The following EML1 variants were observed in gnomAD, a reference collection of about 807,000 sequenced individuals.
EML1 encodes the protein echinoderm microtubule-associated protein-like 1.
Under a neutral mutation model 110.4 loss-of-function variants are expected in EML1, and 27 were observed. The ratio of observed to expected loss-of-function variants is 0.24; its 90% CI spans 0.18 to 0.34. The LOEUF (loss-of-function observed/expected upper bound fraction) is 0.34, where lower values mean the gene tolerates loss of function less well. Ranked by LOEUF, EML1 falls within the 10% of genes least tolerant of loss-of-function variation. The pLI is 1.00. For synonymous variants in EML1, 344 were observed against 385.8 expected (o/e 0.89, Z 1.27); for missense variants, 741 against 1,030.9 (o/e 0.72, Z 3.85).
intron 1 of EML1, among the ~76,000 whole-genome samples, chr14:99,796,956 T>G (rs2057788648): frequency 6.8e-6 from 1 of 147,940 alleles, no homozygotes; most frequent in African/African-American, 2.5e-5. Flanking sequence ...ATAGCTTTAT[T>G]GAAATATTTA....
chr14:99,758,609 T>C (rs1047662668), intron 1 of EML1, among the ~76,000 whole-genome samples: 2 of 152,134 alleles, frequency 1.3e-5, no homozygotes, highest in African/African-American at 4.8e-5. Flanking sequence ...CCAGAGTCAG[T>C]CCTCGCCCTA....
chr14:99,843,424 A>AACCAAC (rs137872085), intron 1 of EML1, among the ~76,000 whole-genome samples: 4 of 151,620 alleles, frequency 2.6e-5, no homozygotes, highest in African/African-American at 4.9e-5. Context: ...TTTTTATTGG[A>AACCAAC]AACAACAATA....
intron 7 of EML1, 108 bp downstream of exon 7, chr14:99,897,402 AAAAT>A: frequency 2.1e-4 from 222 of 1,061,646 alleles, no homozygotes; most frequent in Middle Eastern, 6.2e-4. Context: ...CCCTGTCTCT[AAAAT>A]AAATAAATAA....
rs191884920 is a variant in EML1, at chr14:99,936,218, G to A, written c.2008-29G>A. On this transcript the variant is annotated intron_variant, in intron 18 of 21. Transcript: ENST00000262233. The surrounding 1 kb of genome is among the most constrained non-coding windows in gnomAD (Gnocchi z 5.5). ...GTTGGCAGGGACTTCTAAGGCCAAT[G>A]AAATGAAGACAGTGTTTTACCCTCC... The A allele has an allele frequency of 5.3e-4, 853 of 1,613,390 alleles. No individual in the cohort carries two copies. The highest frequency in any genetic ancestry group is 6.4e-4 in the Non-Finnish European group (758 of 1,179,342).
chr14:99,874,801 G>T (rs571084835), intron 3 of EML1: 1 of 664,104 alleles, frequency 1.5e-6, no homozygotes, highest in Non-Finnish European at 2.4e-6. Context: ...CTATATTTGC[G>T]AACCAAAATG....
chr14:99,756,702 C>T (rs2057259224), intron 1 of EML1, among the ~76,000 whole-genome samples: 1 of 152,138 alleles, frequency 6.6e-6, no homozygotes, highest in African/African-American at 2.4e-5. Flanking sequence ...TAAAAAATTA[C>T]ACCTTCCCGA....
intron 12 of EML1, 93 bp downstream of exon 12, chr14:99,910,434 T>C: frequency 1.0e-6 from 1 of 967,844 alleles, no homozygotes; most frequent in African/African-American, 1.7e-5. Context: ...TAATACAACG[T>C]ACAGGAGTAG....
upstream of EML1, chr14:99,793,305 G>T: frequency 2.0e-6 from 2 of 979,288 alleles, no homozygotes; most frequent in Non-Finnish European, 2.4e-6. Flanking sequence ...GGGCTCGCGC[G>T]GCTGCGGCGG....
chr14:99,747,007 A>G (rs75060272), intron 1 of EML1, among the ~76,000 whole-genome samples: 1,891 of 152,186 alleles, frequency 0.012, 16 homozygotes, highest in Middle Eastern at 0.041. Context: ...TCACAAGGCC[A>G]GATACCCAGG....
At chr14:99,864,940 C>T (rs2059069327) in intron 2 of EML1, among the ~76,000 whole-genome samples, 1 of 151,930 alleles carries the variant, frequency 6.6e-6, no homozygotes, top group African/African-American at 2.4e-5. Flanking sequence ...AAACAGTGGT[C>T]TCCAGCCTTT....
intron 17 of EML1, among the ~76,000 whole-genome samples, chr14:99,931,874 G>A (rs1424377327): frequency 6.6e-6 from 1 of 152,318 alleles, no homozygotes; most frequent in African/African-American, 2.4e-5. Flanking sequence ...ACACTCTGCC[G>A]TCTTGCCGGG....
upstream of EML1, among the ~76,000 whole-genome samples, chr14:99,792,378 T>C (rs1347351302): frequency 1.3e-5 from 2 of 152,270 alleles, no homozygotes; most frequent in African/African-American, 4.8e-5. Flanking sequence ...AAGCTCATTC[T>C]TGGGTTAGAT....
At chr14:99,902,158 A>G (rs1289437457) in intron 9 of EML1, among the ~76,000 whole-genome samples, 1 of 152,240 alleles carries the variant, frequency 6.6e-6, no homozygotes, top group Non-Finnish European at 1.5e-5. Flanking sequence ...GAGTAAGCTT[A>G]TCCTGCATTC....
At chr14:99,764,710 A>G (rs751736634) in intron 1 of EML1, among the ~76,000 whole-genome samples, 3 of 152,210 alleles carry the variant, frequency 2.0e-5, no homozygotes, top group African/African-American at 4.8e-5. Context: ...CCAGGCACAG[A>G]AGCAGCAGGG....
chr14:99,753,837 C>G (rs964670063), intron 1 of EML1, among the ~76,000 whole-genome samples: 1 of 152,234 alleles, frequency 6.6e-6, no homozygotes, highest in Admixed American at 6.5e-5. Flanking sequence ...TTCTCTTCCC[C>G]ACAACCGCAT....
chr14:99,761,700 G>A (rs1222420196), intron 1 of EML1, among the ~76,000 whole-genome samples: 1 of 152,092 alleles, frequency 6.6e-6, no homozygotes, highest in Non-Finnish European at 1.5e-5. Context: ...CGAGGTGGGA[G>A]GATCACTTGA....
intron 9 of EML1, chr14:99,907,122 A>G (rs1258927951): frequency 6.5e-6 from 1 of 152,996 alleles, no homozygotes; most frequent in East Asian, 1.9e-4. Context: ...TTCATTCCCC[A>G]TCATTTACCT....
chr14:99,935,141 T>C (rs2060445179), intron 17 of EML1, among the ~76,000 whole-genome samples: 2 of 152,138 alleles, frequency 1.3e-5, no homozygotes, highest in South Asian at 2.1e-4. Flanking sequence ...CCTTCAGTGA[T>C]TGGGACAGGG....
At position 99,835,293 on chromosome 14, in the gene EML1, T is replaced by C. The variant is rs558140594; in HGVS notation, c.68-15560T>C. On this transcript the variant is annotated intron_variant, in intron 1 of 21. Coordinates refer to ENST00000262233, the MANE Select transcript of EML1 (RefSeq NM_004434.3). ...AAAATATTTCTTTATCCTTTTGATA[T>C]CTATCGATCTGTAGTAATGTCAATT... Among the ~76,000 whole-genome samples, 230 of 152,348 alleles carry C rather than the reference T, an allele frequency of 1.5e-3. 2 individuals are homozygous for C. The highest frequency in any genetic ancestry group is 0.014 in the South Asian group (66 of 4,828).
Sources: allele counts gnomAD v4.1 joint callset (sites outside exome capture counted in the v4.1 genomes callset), GRCh38; gene constraint gnomAD v4.1.1; non-coding constraint Gnocchi (gnomAD v3.1); transcripts MANE v1.5; gene names NCBI Gene and HGNC (gene_info 2026-07-23, HGNC 2026-07-21).